The following PTCHD1 variants were observed in gnomAD, a reference collection of about 807,000 sequenced individuals.
The protein encoded by PTCHD1 is patched domain-containing protein 1.
In PTCHD1, 3 loss-of-function variants were observed where a neutral mutation model predicts 34.6. The observed-to-expected ratio is 0.09, with a 90% confidence interval of 0.04 to 0.22. The LOEUF is 0.22. Ranked by LOEUF, PTCHD1 falls within the 10% of genes least tolerant of loss-of-function variation. The pLI, the probability that PTCHD1 is intolerant of heterozygous loss-of-function variation, is 1.00. For synonymous variants in PTCHD1, 305 were observed against 283.1 expected (o/e 1.08, Z -0.77); for missense variants, 504 against 685.5 (o/e 0.74, Z 2.96).
At chrX:23,363,468 G>C (rs935362345) in intron 1 of PTCHD1, among the ~76,000 whole-genome samples, 1 of 113,173 alleles carries the variant, frequency 8.8e-6, no homozygotes, top group Non-Finnish European at 1.9e-5. Context: ...CCAGGCGTGA[G>C]ATATAATCTC....
At chrX:23,362,806 G>A (rs1433971114) in intron 1 of PTCHD1, among the ~76,000 whole-genome samples, 2 of 111,822 alleles carry the variant, frequency 1.8e-5, no homozygotes, top group African/African-American at 6.5e-5. Context: ...CTACAGATGG[G>A]GTTTTGGTGT....
At chrX:23,390,400 T>C (rs1306751148) in intron 2 of PTCHD1, among the ~76,000 whole-genome samples, 4 of 111,101 alleles carry the variant, frequency 3.6e-5, no homozygotes, top group Non-Finnish European at 7.5e-5. Context: ...ATTCTCTTTT[T>C]ACCCTCATTG....
Position 23,393,168 on chromosome X carries a change from C to A in PTCHD1, c.1650C>A (p.Ser550Arg). The change falls in exon 3 of 3, where the codon AGC (serine) becomes AGA (arginine). Residue 550 changes from serine to arginine, a missense_variant. Transcript: ENST00000379361. ...CTACTGCCCAGCAAAAGTACTTCAG[C>A]AACTACAGTCCTGTGATTGGGTTTT... ...EYTTAQQKYF[S>R]NYSPVIGFYI... 8.3e-7 allele frequency: 1 copy of A among 1,211,491 alleles called. No individual in the cohort carries two copies. The highest frequency in any genetic ancestry group is 1.1e-6 in the Non-Finnish European group (1 of 895,164).
intron 1 of PTCHD1, among the ~76,000 whole-genome samples, chrX:23,336,996 A>C (rs1266353400): frequency 9.0e-6 from 1 of 110,832 alleles, no homozygotes; most frequent in Non-Finnish European, 1.9e-5. Flanking sequence ...AAACCATCAC[A>C]CCACTGTGAC....
At chrX:23,375,287 C>CTTTTTTTTTT (rs72075900) in intron 1 of PTCHD1, among the ~76,000 whole-genome samples, 1 of 83,724 alleles carries the variant, frequency 1.2e-5, no homozygotes, top group African/African-American at 4.8e-5. Context: ...GCTGACAATT[C>CTTTTTTTTTT]TTTTTTTTTT....
At chrX:23,361,660 A>T (rs1921988204) in intron 1 of PTCHD1, among the ~76,000 whole-genome samples, 1 of 111,724 alleles carries the variant, frequency 9.0e-6, no homozygotes, top group Non-Finnish European at 1.9e-5. Context: ...TTTAAGGTTA[A>T]TATTGTTATG....
intron 1 of PTCHD1, among the ~76,000 whole-genome samples, chrX:23,376,866 A>G (rs1353268718): frequency 2.7e-5 from 3 of 112,391 alleles, no homozygotes; most frequent in Non-Finnish European, 5.6e-5. Flanking sequence ...AAGTCAAGGC[A>G]GTTGCATCTT....
chrX:23,390,563 T>C (rs746226581), intron 2 of PTCHD1, among the ~76,000 whole-genome samples: 10 of 111,820 alleles, frequency 8.9e-5, no homozygotes, highest in Admixed American at 5.7e-4. Context: ...TTTTACTTCA[T>C]ATCTGGGGAG....
chrX:23,392,458 A>G (rs896347267), intron 2 of PTCHD1, 73 bp from the exon 3 acceptor site: 1 of 706,385 alleles, frequency 1.4e-6, no homozygotes, highest in Middle Eastern at 3.3e-4. Context: ...GTAGTCCCTC[A>G]TAATCAAGTT....
At chrX:23,389,874 C>T (rs1295697884) in intron 2 of PTCHD1, among the ~76,000 whole-genome samples, 1 of 112,085 alleles carries the variant, frequency 8.9e-6, no homozygotes, top group Non-Finnish European at 1.9e-5. Flanking sequence ...ATTTAAAATG[C>T]AGCAACAGAA....
In PTCHD1 at chrX:23,400,039, C is replaced by G. The variant is rs1923080269; in HGVS notation, c.*5854C>G. 1 of 112,001 alleles carries G rather than the reference C, an allele frequency of 8.9e-6. No individual in the cohort carries two copies. Among genetic ancestry groups the G allele is most frequent in the Non-Finnish European group, 1.9e-5 (1 of 53,240 alleles). 9.2% of individuals were successfully genotyped at this position (112,001 alleles called of 1,213,427 possible). A position where few individuals can be genotyped will look rare whatever the true frequency, so the allele number is the denominator to read the frequency against. On this transcript the variant is annotated 3_prime_UTR_variant, in exon 3 of 3. Coordinates refer to ENST00000379361, the MANE Select transcript of PTCHD1 (RefSeq NM_173495.3). ...TAGAAGGCCTGCTCCCAAATGAGCC[C>G]TACTCTGAGATGTCTACACCAGGCA...
chrX:23,381,633 TG>T (rs1189862717), intron 2 of PTCHD1, among the ~76,000 whole-genome samples: 1 of 111,989 alleles, frequency 8.9e-6, no homozygotes, highest in Non-Finnish European at 1.9e-5. Flanking sequence ...CTCGATTCTC[TG>T]TGGCCCGAGG....
intron 1 of PTCHD1, among the ~76,000 whole-genome samples, chrX:23,366,392 T>C (rs186491891): frequency 7.3e-4 from 82 of 112,252 alleles, no homozygotes; most frequent in Non-Finnish European, 1.3e-3. Flanking sequence ...CAAGGCCTTG[T>C]GTGATTGGGA....
chrX:23,353,520 C>T (rs1010345238), intron 1 of PTCHD1, among the ~76,000 whole-genome samples: 4 of 111,822 alleles, frequency 3.6e-5, no homozygotes, highest in Non-Finnish European at 7.5e-5. Context: ...ACTCAGGAGG[C>T]GGAGGTTGCG....
At position 23,393,352 on chromosome X, in the gene PTCHD1, A is replaced by G. The variant is rs373098012; in HGVS notation, c.1834A>G (p.Met612Val). 3 of 1,206,989 alleles carry G rather than the reference A, an allele frequency of 2.5e-6. No homozygotes were observed. The highest frequency in any genetic ancestry group is 3.5e-5 in the African/African-American group (2 of 57,197). ...CTTGCCTAAGAAAAATTTCACAGACATGTTGAGGAATTCCTTTCTGAAAGC... is the reference window on the plus strand; with the variant it reads ...CTTGCCTAAGAAAAATTTCACAGACGTGTTGAGGAATTCCTTTCTGAAAGC... The part of the protein sequence containing the change: ...TGLPKKNFTD[M>V]LRNSFLKAPQ... The change falls in exon 3 of 3, where the codon ATG becomes GTG. Residue 612 changes from methionine to valine, a missense_variant. Physicochemically the swap from Met to Val is conservative, Grantham distance 21. Coordinates refer to ENST00000379361, the MANE Select transcript of PTCHD1 (RefSeq NM_173495.3).
At position 23,380,260 on chromosome X, in the gene PTCHD1, T is replaced by A; in HGVS notation, c.1012+9T>A. 1 of 1,187,823 alleles carries A rather than the reference T, an allele frequency of 8.4e-7. No individual in the cohort carries two copies. The highest frequency in any genetic ancestry group is 1.1e-6 in the Non-Finnish European group (1 of 874,722). On this transcript the variant is annotated intron_variant, in intron 2 of 2. Transcript: ENST00000379361. ...CCCTTTCGTCATGCTAGGTAATTACTACTCTTCTTTCTTCTGTTTCCGCCT... is the reference window on the plus strand; with the variant it reads ...CCCTTTCGTCATGCTAGGTAATTACAACTCTTCTTTCTTCTGTTTCCGCCT...
At position 23,392,700 on chromosome X, in the gene PTCHD1, G is replaced by A. The variant is rs745918093; in HGVS notation, c.1182G>A (p.Thr394=). 6 of 1,210,660 alleles carry A rather than the reference G, an allele frequency of 5.0e-6. No homozygotes were observed. The South Asian group carries it at 1.1e-4, about 21-fold the overall frequency. Residue 394 remains threonine, a synonymous_variant, in exon 3 of 3, where the codon ACG becomes ACA. Transcript: ENST00000379361. ...TTGGCATAGGGGCCAGCCCTTTCAC[G>A]AACATTGAGGCAGCCAGGATTTTCT... ...VTFGIGASPF[T]NIEAARIFCC...
At chrX:23,347,789 T>C (rs181982744) in intron 1 of PTCHD1, among the ~76,000 whole-genome samples, 1 of 111,475 alleles carries the variant, frequency 9.0e-6, no homozygotes, top group Non-Finnish European at 1.9e-5. Flanking sequence ...AAGGATAGCT[T>C]GAGGCCAGGA....
rs1923024498 is a variant in PTCHD1, at chrX:23,397,680, C to T, written c.*3495C>T. On this transcript the variant is annotated 3_prime_UTR_variant, in exon 3 of 3. Transcript: ENST00000379361. ...TGCAATATACCGCTCCAAATGAGGA[C>T]CTTGGTAACCCTTGACCCTTTAATT... 9.0e-6 allele frequency: 1 copy of T among 110,921 alleles called. No individual in the cohort carries two copies. Among genetic ancestry groups the T allele is most frequent in the Non-Finnish European group, 1.9e-5 (1 of 53,058 alleles). 9.1% of individuals were successfully genotyped at this position (110,921 alleles called of 1,213,427 possible).
Sources: allele counts gnomAD v4.1 joint callset (sites outside exome capture counted in the v4.1 genomes callset), GRCh38; gene constraint gnomAD v4.1.1; transcripts MANE v1.5; gene names NCBI Gene and HGNC (gene_info 2026-07-23, HGNC 2026-07-21).